Variants in GLRA1 observed in about 807,000 individuals in gnomAD.
The protein encoded by GLRA1 is glycine receptor subunit alpha-1.
In GLRA1, 37 loss-of-function variants were observed where a neutral mutation model predicts 48.3. The observed-to-expected ratio is 0.77, with a 90% CI of 0.59 to 1.01. The LOEUF is 1.01. GLRA1 is among the 50% of genes least tolerant of loss of function. The pLI is 0.00. For synonymous variants in GLRA1, 196 were observed against 210.7 expected (o/e 0.93, Z 0.60); for missense variants, 427 against 571.0 (o/e 0.75, Z 2.57).
At chr5:151,923,996 A>G (rs754916737) in intron 1 of GLRA1, among the ~76,000 whole-genome samples, 12 of 152,138 alleles carry the variant, frequency 7.9e-5, no homozygotes, top group Admixed American at 2.6e-4. Flanking sequence ...AGGACAGAAA[A>G]TGAAATGATC....
chr5:151,838,873 AG>A (rs1300875241), intron 7 of GLRA1, among the ~76,000 whole-genome samples: 1 of 152,234 alleles, frequency 6.6e-6, no homozygotes. Context: ...CAGAAGACAA[AG>A]TCAGAATCTT....
chr5:151,902,528 G>T (rs1754389398), intron 1 of GLRA1, among the ~76,000 whole-genome samples: 1 of 152,032 alleles, frequency 6.6e-6, no homozygotes, highest in South Asian at 2.1e-4. Context: ...AGATGCTATG[G>T]AAATAAACTT....
At chr5:151,895,781 C>T (rs368284749) in intron 1 of GLRA1, among the ~76,000 whole-genome samples, 20 of 152,102 alleles carry the variant, frequency 1.3e-4, no homozygotes, top group African/African-American at 4.8e-4. Context: ...CAGTTGGGGC[C>T]ACTGTCCATT....
chr5:151,867,462 A>G (rs1360088631), intron 3 of GLRA1, among the ~76,000 whole-genome samples: 1 of 152,194 alleles, frequency 6.6e-6, no homozygotes, highest in African/African-American at 2.4e-5. Context: ...TCTCATGTAG[A>G]AGGAATAGCA....
chr5:151,868,024 G>A (rs528329481), intron 3 of GLRA1, among the ~76,000 whole-genome samples: 5 of 152,284 alleles, frequency 3.3e-5, no homozygotes, highest in African/African-American at 1.2e-4. Context: ...CAATCCAGTT[G>A]GGAGGTAATA....
intron 1 of GLRA1, among the ~76,000 whole-genome samples, chr5:151,911,377 C>A (rs997185392): frequency 5.3e-5 from 8 of 152,102 alleles, no homozygotes; most frequent in African/African-American, 7.2e-5. Context: ...AGTGGTTTTC[C>A]TGCTTTTTAC....
intron 7 of GLRA1, among the ~76,000 whole-genome samples, chr5:151,830,207 A>G (rs1763389480): frequency 6.6e-6 from 1 of 152,234 alleles, no homozygotes; most frequent in Non-Finnish European, 1.5e-5. Context: ...CCTCATTCCC[A>G]GAGAGTTATC....
intron 1 of GLRA1, among the ~76,000 whole-genome samples, chr5:151,913,308 T>C (rs1754661509): frequency 1.3e-5 from 2 of 152,200 alleles, no homozygotes; most frequent in South Asian, 4.1e-4. Context: ...AGTTTGAACC[T>C]AGAGCTGGTT....
At chr5:151,898,913 A>T (rs1023669437) in intron 1 of GLRA1, among the ~76,000 whole-genome samples, 42 of 152,324 alleles carry the variant, frequency 2.8e-4, no homozygotes, top group African/African-American at 9.6e-4. Flanking sequence ...TGAAGGTTAG[A>T]TATGGAGTTG....
At chr5:151,854,285 C>T (rs1752980387) in intron 6 of GLRA1, among the ~76,000 whole-genome samples, 1 of 152,208 alleles carries the variant, frequency 6.6e-6, no homozygotes, top group South Asian at 2.1e-4. Flanking sequence ...CTTCACTGGG[C>T]TTTCTACTTA....
At chr5:151,922,849 A>G (rs1185503051) in intron 1 of GLRA1, among the ~76,000 whole-genome samples, 1 of 152,226 alleles carries the variant, frequency 6.6e-6, no homozygotes, top group Non-Finnish European at 1.5e-5. Context: ...GCTTGGTTCT[A>G]TTAATTTGCT....
intron 4 of GLRA1, among the ~76,000 whole-genome samples, chr5:151,858,205 A>T (rs981123217): frequency 6.6e-6 from 1 of 152,106 alleles, no homozygotes; most frequent in African/African-American, 2.4e-5. Context: ...GGGCCCCTTT[A>T]AGCACAAGGT....
chr5:151,823,021 C>T (rs1763182844), intron 8 of GLRA1, 58 bp from the exon 9 acceptor site: 1 of 1,463,588 alleles, frequency 6.8e-7, no homozygotes, highest in South Asian at 1.3e-5. Context: ...AGGCACCCTC[C>T]CTGCAAGGCA....
At chr5:151,842,356 ACT>A (rs1265264066) in intron 7 of GLRA1, among the ~76,000 whole-genome samples, 5 of 151,652 alleles carry the variant, frequency 3.3e-5, no homozygotes, top group Admixed American at 6.6e-5. Context: ...AAAAAAAAAA[ACT>A]CTCAGGAAAA....
intron 1 of GLRA1, among the ~76,000 whole-genome samples, chr5:151,896,987 C>A (rs1278836244): frequency 1.3e-5 from 2 of 152,252 alleles, no homozygotes; most frequent in Admixed American, 1.3e-4. Context: ...CATATTAACA[C>A]CTAACGAGAC....
chr5:151,882,676 G>T (rs1407632957), intron 3 of GLRA1, among the ~76,000 whole-genome samples: 1 of 151,258 alleles, frequency 6.6e-6, no homozygotes, highest in Non-Finnish European at 1.5e-5. Context: ...CTAACAACCA[G>T]ATTCTCTCTC....
At chr5:151,842,993 G>A (rs1434218987) in intron 7 of GLRA1, among the ~76,000 whole-genome samples, 1 of 152,024 alleles carries the variant, frequency 6.6e-6, no homozygotes. Context: ...AATTTATATA[G>A]CATAAAAGAA....
At chr5:151,860,681 G>T (rs1753173965) in intron 3 of GLRA1, among the ~76,000 whole-genome samples, 1 of 152,138 alleles carries the variant, frequency 6.6e-6, no homozygotes, top group Non-Finnish European at 1.5e-5. Flanking sequence ...GATTTGTTTG[G>T]AAAGGTTTAC....
rs569495510 is a variant in GLRA1, at chr5:151,911,431, C to T, written c.56+13063G>A. Among the ~76,000 whole-genome samples, 192 of 152,204 alleles carry T rather than the reference C, an allele frequency of 1.3e-3. No homozygotes were observed. The South Asian group carries it at 0.017, about 14-fold the overall frequency. On this transcript the variant is annotated intron_variant, in intron 1 of 8. Transcript: ENST00000274576. ...GCAATGCCAACTATATGCCCTCTCC[C>T]TTTTAATACTTATGATAATCTGTCA...
Sources: allele counts gnomAD v4.1 joint callset (sites outside exome capture counted in the v4.1 genomes callset), GRCh38; gene constraint gnomAD v4.1.1; transcripts MANE v1.5; gene names NCBI Gene and HGNC (gene_info 2026-07-23, HGNC 2026-07-21).